The following U2AF2 variants were observed in gnomAD, a reference collection of about 807,000 sequenced individuals.
U2AF2 encodes the protein U2 small nuclear RNA auxiliary factor 2, also known as splicing factor U2AF 65 kDa subunit.
U2AF2 carries 6 observed loss-of-function variants against 52.6 expected under a neutral mutation model. The ratio of observed to expected loss-of-function variants is 0.11; its 90% CI spans 0.06 to 0.23. The LOEUF is 0.23. U2AF2 is among the 10% of genes least tolerant of loss of function. The pLI, the probability that U2AF2 is intolerant of heterozygous loss-of-function variation, is 1.00. For missense variants in U2AF2, 222 were observed against 677.1 expected (o/e 0.33, Z 7.46); for synonymous variants, 284 against 258.2 (o/e 1.10, Z -0.96).
At chr19:55,673,864 G>C (rs1985097493) in intron 11 of U2AF2, 70 bp from the exon 12 acceptor site, 2 of 1,552,594 alleles carry the variant, frequency 1.3e-6, no homozygotes, top group African/African-American at 1.4e-5. Flanking sequence ...TCAGTGCTGG[G>C]GTTGGGTGGA....
At chr19:55,673,638 C>T (rs1056853469) in intron 11 of U2AF2, among the ~76,000 whole-genome samples, 2 of 152,328 alleles carry the variant, frequency 1.3e-5, no homozygotes, top group Admixed American at 6.5e-5. Flanking sequence ...ACCCCTCCCC[C>T]GCGGTGAGCT....
chr19:55,657,851 T>C (rs1161927317), intron 1 of U2AF2, among the ~76,000 whole-genome samples: 1 of 152,198 alleles, frequency 6.6e-6, no homozygotes, highest in Non-Finnish European at 1.5e-5. Context: ...GTAATTGTGA[T>C]CTCTCTATAC....
At chr19:55,663,388 GTGTT>G (rs1219982227) in intron 6 of U2AF2, among the ~76,000 whole-genome samples, 1 of 152,198 alleles carries the variant, frequency 6.6e-6, no homozygotes, top group Non-Finnish European at 1.5e-5. Flanking sequence ...GTTTGCCTCT[GTGTT>G]TGTGTTGGGT....
At position 55,659,205 on chromosome 19, in the gene U2AF2, C is replaced by G; in HGVS notation, c.50-5C>G. On this transcript the variant is annotated splice_polypyrimidine_tract_variant and splice_region_variant and intron_variant, in intron 1 of 11. Transcript: ENST00000308924. ...TCCCGTGCCCCTCCTCTCACCCTTG[C>G]CCAGAGCGGGACAAGGAGAACCGGC... The G allele has an allele frequency of 1.9e-6, 3 of 1,568,690 alleles. No homozygotes were observed. Among genetic ancestry groups the G allele is most frequent in the Non-Finnish European group, 2.6e-6 (3 of 1,154,056 alleles).
At chr19:55,656,505 A>G (rs1364792251) in intron 1 of U2AF2, among the ~76,000 whole-genome samples, 2 of 152,034 alleles carry the variant, frequency 1.3e-5, no homozygotes, top group African/African-American at 4.8e-5. Context: ...ATTTTTTTCC[A>G]TTTGTAGACT....
At chr19:55,658,110 G>T (rs893798786) in intron 1 of U2AF2, among the ~76,000 whole-genome samples, 1 of 152,180 alleles carries the variant, frequency 6.6e-6, no homozygotes. Flanking sequence ...TGAGGCTGAA[G>T]TTTAACATCC....
At chr19:55,656,549 G>A (rs1457605995) in intron 1 of U2AF2, among the ~76,000 whole-genome samples, 1 of 152,200 alleles carries the variant, frequency 6.6e-6, no homozygotes, top group Non-Finnish European at 1.5e-5. Flanking sequence ...ATTTTGAGAA[G>A]ATTAAAAAGG....
At chr19:55,664,108 C>T (rs1220441824) in intron 7 of U2AF2, 3 of 211,250 alleles carry the variant, frequency 1.4e-5, no homozygotes, top group Non-Finnish European at 9.5e-6. Flanking sequence ...TGTGTGTCGA[C>T]GGTTGGCAGC....
Position 55,662,686 on chromosome 19 carries a change from G to A in U2AF2, c.603+68G>A. 8 of 1,404,028 alleles carry A rather than the reference G, an allele frequency of 5.7e-6. No homozygotes were observed. The South Asian group carries it at 6.0e-5, about 11-fold the overall frequency. 87.0% of individuals were successfully genotyped at this position (1,404,028 alleles called of 1,614,324 possible). On this transcript the variant is annotated intron_variant, in intron 6 of 11. Coordinates refer to ENST00000308924, the MANE Select transcript of U2AF2 (RefSeq NM_007279.3). ...GTGAGGGCCCAGCCCTTAGGCTGAT[G>A]TTGTGTGGAGCTGCCTTGTGCTGTT...
intron 1 of U2AF2, 126 bp from the exon 2 acceptor site, chr19:55,659,084 C>T (rs1014856935): frequency 1.8e-5 from 24 of 1,329,868 alleles, no homozygotes; most frequent in Non-Finnish European, 2.2e-5. Flanking sequence ...TCCCTTCCTC[C>T]ATTGAATCCC....
intron 10 of U2AF2, 112 bp from the exon 11 acceptor site, chr19:55,669,332 G>A: frequency 3.9e-6 from 6 of 1,542,830 alleles, no homozygotes; most frequent in Non-Finnish European, 5.2e-6. Context: ...TTAGGTGTTG[G>A]AAGTGGAGAG....
In U2AF2 at chr19:55,658,037, A is replaced by G. The variant is rs573599585; in HGVS notation, c.50-1173A>G. Among the ~76,000 whole-genome samples the G allele has an allele frequency of 5.9e-5, 9 of 152,244 alleles. No individual in the cohort carries two copies. The East Asian group carries it at 1.5e-3, about 26-fold the overall frequency. On this transcript the variant is annotated intron_variant, in intron 1 of 11. Coordinates refer to ENST00000308924, the MANE Select transcript of U2AF2 (RefSeq NM_007279.3). The stretch of plus-strand genomic sequence containing the variant: ...TTTTTCTGAGTGTTGGTGGTTTTGG[A>G]ATTGTGATGCTTTTCCAGACATTCA...
intron 7 of U2AF2, among the ~76,000 whole-genome samples, chr19:55,664,531 T>G (rs1463936596): frequency 1.3e-5 from 2 of 152,110 alleles, no homozygotes; most frequent in African/African-American, 4.8e-5. Flanking sequence ...CCTGTCAGGG[T>G]GCGGCTGTGT....
intron 2 of U2AF2, 42 bp from the exon 3 acceptor site, chr19:55,660,134 TC>T (rs1352053426): frequency 3.2e-6 from 5 of 1,576,696 alleles, no homozygotes; most frequent in Non-Finnish European, 4.3e-6. Flanking sequence ...AAGACGAGGG[TC>T]CCCAGTCACC....
chr19:55,664,610 G>T (rs577734373), intron 7 of U2AF2, among the ~76,000 whole-genome samples: 21 of 152,296 alleles, frequency 1.4e-4, no homozygotes, highest in African/African-American at 4.8e-4. Context: ...AGCCCTTTAG[G>T]AACTGAGTCA....
chr19:55,672,310 A>C (rs1312771558), intron 11 of U2AF2, among the ~76,000 whole-genome samples: 1 of 152,034 alleles, frequency 6.6e-6, no homozygotes, highest in Non-Finnish European at 1.5e-5. Context: ...TGTCATTCTT[A>C]ATTTTCATAT....
chr19:55,666,225 G>C (rs913690363), intron 7 of U2AF2, among the ~76,000 whole-genome samples: 24 of 152,342 alleles, frequency 1.6e-4, no homozygotes, highest in Non-Finnish European at 2.9e-4. Context: ...AGGGGACATT[G>C]CTCCATCTTA....
At chr19:55,658,686 C>T (rs1020077916) in intron 1 of U2AF2, among the ~76,000 whole-genome samples, 4 of 152,132 alleles carry the variant, frequency 2.6e-5, no homozygotes, top group African/African-American at 4.8e-5. Context: ...CATTATTCAC[C>T]GGCTTGGGAA....
At chr19:55,660,444 A>T (rs1984102786) in intron 3 of U2AF2, 72 bp from the exon 4 acceptor site, 1 of 1,186,936 alleles carries the variant, frequency 8.4e-7, no homozygotes, top group Non-Finnish European at 1.2e-6. Context: ...GGTGCCTGGG[A>T]GGGGGCTCGC....
Sources: gnomAD v4.1 joint callset for allele counts (sites outside exome capture counted in the v4.1 genomes callset) on GRCh38, gnomAD v4.1.1 for gene constraint, MANE v1.5 for transcripts, NCBI Gene and HGNC (gene_info 2026-07-23, HGNC 2026-07-21) for gene names.